Variants in DIS3L2 observed in about 807,000 individuals in gnomAD.
The protein encoded by DIS3L2 is DIS3 like 3'-5' exoribonuclease 2, also known as DIS3-like exonuclease 2.
Under a neutral mutation model 97.5 loss-of-function variants are expected in DIS3L2, and 34 were observed. The ratio of observed to expected loss-of-function variants is 0.35; its 90% confidence interval spans 0.27 to 0.46. The LOEUF is 0.46. Ranked by LOEUF, DIS3L2 falls within the 20% of genes least tolerant of loss-of-function variation. The probability of loss-of-function intolerance (pLI) is 1.00; values close to 1 mark genes in which losing one functional copy is unlikely to be tolerated. For missense variants in DIS3L2, 1,038 were observed against 1,146.0 expected (o/e 0.91, Z 1.36); for synonymous variants, 435 against 445.2 (o/e 0.98, Z 0.29).
At chr2:232,081,205 T>A (rs1696381494) in intron 5 of DIS3L2, among the ~76,000 whole-genome samples, 1 of 152,150 alleles carries the variant, frequency 6.6e-6, no homozygotes, top group Admixed American at 6.5e-5. Flanking sequence ...CCTGATATAG[T>A]GAATCAGGAA....
rs558996282 is a variant in DIS3L2, at chr2:232,335,672, C to T, written c.2395-101C>T. ...CAGCCAGGCAAGGGTGGGCCAGGGC[C>T]GAGGGCTGAGGGCCGCCTCCAAGCA... On this transcript the variant is annotated intron_variant, in intron 19 of 20. Transcript: ENST00000325385. 1,980 of 1,352,840 alleles carry T rather than the reference C, an allele frequency of 1.5e-3. 6 individuals carry two copies. Among genetic ancestry groups the T allele is most frequent in the Non-Finnish European group, 1.9e-3 (1,844 of 982,116 alleles). 83.8% of individuals were successfully genotyped at this position (1,352,840 alleles called of 1,614,324 possible).
chr2:232,001,040 TA>T (rs1693886946), intron 1 of DIS3L2, among the ~76,000 whole-genome samples: 1 of 152,184 alleles, frequency 6.6e-6, no homozygotes, highest in Non-Finnish European at 1.5e-5. Context: ...CTTTTTGATG[TA>T]CTGATTTCAT....
At chr2:232,157,379 G>A (rs1170022647) in intron 8 of DIS3L2, among the ~76,000 whole-genome samples, 1 of 152,140 alleles carries the variant, frequency 6.6e-6, no homozygotes, top group Non-Finnish European at 1.5e-5. Flanking sequence ...CTGGAGGATG[G>A]CACTCCCCCC....
intron 1 of DIS3L2, among the ~76,000 whole-genome samples, chr2:232,001,775 C>T (rs1693918600): frequency 7.6e-6 from 1 of 132,288 alleles, no homozygotes; most frequent in Admixed American, 9.2e-5. Context: ...GGCTGGAGTG[C>T]AGTGGCCCAG....
At chr2:232,110,914 A>G (rs1697507926) in intron 6 of DIS3L2, among the ~76,000 whole-genome samples, 1 of 152,110 alleles carries the variant, frequency 6.6e-6, no homozygotes, top group Admixed American at 6.5e-5. Context: ...AAAATGGTAA[A>G]TGTGCTTTTA....
intron 10 of DIS3L2, among the ~76,000 whole-genome samples, chr2:232,237,402 A>G (rs1692961486): frequency 6.6e-6 from 1 of 152,204 alleles, no homozygotes; most frequent in Non-Finnish European, 1.5e-5. Flanking sequence ...CCTTTACCAG[A>G]GGGAAAAGAC....
At chr2:232,343,067 C>A in intron 13 of DIS3L2, 1 of 402,886 alleles carries the variant, frequency 2.5e-6, no homozygotes, top group South Asian at 3.0e-5. Context: ...TCACACTGCT[C>A]TGCTGTCCCC....
chr2:232,291,831 A>C (rs56128595), intron 13 of DIS3L2, among the ~76,000 whole-genome samples: 1 of 152,140 alleles, frequency 6.6e-6, no homozygotes, highest in Non-Finnish European at 1.5e-5. Flanking sequence ...TGTCCATGAG[A>C]GGTCATCTTG....
At chr2:232,282,733 T>TC (rs746972596) in intron 13 of DIS3L2, among the ~76,000 whole-genome samples, 13 of 152,198 alleles carry the variant, frequency 8.5e-5, no homozygotes, top group Admixed American at 2.6e-4. Flanking sequence ...ACTGGCCCCT[T>TC]CTCTGTGCTC....
chr2:232,155,757 G>A (rs576977156), intron 8 of DIS3L2, among the ~76,000 whole-genome samples: 5 of 152,232 alleles, frequency 3.3e-5, no homozygotes, highest in Admixed American at 6.5e-5. Context: ...TTGGGAGGCC[G>A]AGGCGGGCAG....
intron 5 of DIS3L2, among the ~76,000 whole-genome samples, chr2:232,038,174 T>G (rs1279555312): frequency 6.6e-6 from 1 of 152,176 alleles, no homozygotes; most frequent in Non-Finnish European, 1.5e-5. Flanking sequence ...CTTTGTTTTC[T>G]TGAATCTAGC....
intron 5 of DIS3L2, among the ~76,000 whole-genome samples, chr2:232,042,987 TTTAC>T (rs1356371498): frequency 3.3e-5 from 5 of 152,216 alleles, no homozygotes; most frequent in African/African-American, 1.2e-4. Context: ...ATAATTCAGA[TTTAC>T]TTTTTCTAGC....
chr2:232,255,817 T>C (rs986111881), intron 12 of DIS3L2, among the ~76,000 whole-genome samples: 2 of 152,128 alleles, frequency 1.3e-5, no homozygotes. Flanking sequence ...ATTTCAGCCA[T>C]TTACTTAGGT....
rs35062172 is a variant in DIS3L2, at chr2:231,990,178, A to AT, written c.-93-24644dup. Among the ~76,000 whole-genome samples the AT allele has an allele frequency of 5.1e-4, 74 of 146,416 alleles. 1 individual carries two copies. Among genetic ancestry groups the AT allele is most frequent in the East Asian group, 9.9e-4 (5 of 5,056 alleles). The stretch of plus-strand genomic sequence containing the variant: ...CCTTCCCATGCTTCTTTAGGTTTTG[A>AT]TTTTTTTTTTTTTAAAGATGAGGTT... On this transcript the variant is annotated intron_variant, in intron 1 of 20. Transcript: ENST00000325385.
intron 9 of DIS3L2, among the ~76,000 whole-genome samples, chr2:232,186,208 C>T (rs1691426598): frequency 1.3e-5 from 2 of 152,088 alleles, no homozygotes; most frequent in African/African-American, 4.8e-5. Context: ...AGACACACAT[C>T]ACATTAGAAG....
At chr2:232,084,262 T>A (rs1043464255) in intron 5 of DIS3L2, among the ~76,000 whole-genome samples, 7 of 152,198 alleles carry the variant, frequency 4.6e-5, no homozygotes, top group Admixed American at 2.0e-4. Context: ...ACAGGCTGTG[T>A]ATTCCTTATC....
At chr2:232,124,546 A>G (rs188859644) in intron 6 of DIS3L2, among the ~76,000 whole-genome samples, 7 of 152,234 alleles carry the variant, frequency 4.6e-5, no homozygotes, top group African/African-American at 1.7e-4. Context: ...GAGTATTGCA[A>G]TGGAGAGACA....
chr2:232,299,925 A>G, intron 13 of DIS3L2, 115 bp from the exon 14 acceptor site: 1 of 1,051,738 alleles, frequency 9.5e-7, no homozygotes, highest in South Asian at 1.5e-5. Flanking sequence ...GGTTCTCCAC[A>G]ACACATTGAC....
In DIS3L2 at chr2:232,263,263, C is replaced by T. The variant is rs755989747; in HGVS notation, c.1482C>T (p.Tyr494=). 3.7e-6 allele frequency: 6 copies of T among 1,614,082 alleles called. No homozygotes were observed. Among genetic ancestry groups the T allele is most frequent in the South Asian group, 2.2e-5 (2 of 91,080 alleles). The stretch of plus-strand genomic sequence containing the variant: ...TCCGCTCCTGCACCAAACTTAGCTA[C>T]GAGCATGCACAGAGCATGATTGAAA... ...TIIRSCTKLS[Y]EHAQSMIESP... The change falls in exon 13 of 21, where the codon TAC becomes TAT. Residue 494 remains tyrosine, a synonymous_variant. Transcript: ENST00000325385.
Sources: gnomAD v4.1 joint callset for allele counts (sites outside exome capture counted in the v4.1 genomes callset) on GRCh38, gnomAD v4.1.1 for gene constraint, MANE v1.5 for transcripts, NCBI Gene and HGNC (gene_info 2026-07-23, HGNC 2026-07-21) for gene names.